Variants in PCDH15 observed in about 807,000 individuals in gnomAD.
PCDH15 encodes protocadherin-15.
Under a neutral mutation model 178.5 loss-of-function variants are expected in PCDH15, and 129 were observed. The observed-to-expected ratio is 0.72, with a 90% CI of 0.63 to 0.84. The LOEUF (loss-of-function observed/expected upper bound fraction) is 0.84, where lower values mean the gene tolerates loss of function less well. Ranked by LOEUF, PCDH15 falls within the 40% of genes least tolerant of loss-of-function variation. The pLI is 0.00. For synonymous variants in PCDH15, 800 were observed against 732.0 expected (o/e 1.09, Z -1.50); for missense variants, 2,230 against 2,099.9 (o/e 1.06, Z -1.21).
chr10:54,634,717 C>T (rs2093800874), intron 2 of PCDH15, among the ~76,000 whole-genome samples: 1 of 152,012 alleles, frequency 6.6e-6, no homozygotes, highest in African/African-American at 2.4e-5. Flanking sequence ...CGCGTATACA[C>T]TATCTTCCAA....
In PCDH15 at chr10:54,199,555, AAAC is replaced by A. The variant is rs200906404; in HGVS notation, c.1099-3669_1099-3667del. On this transcript the variant is annotated intron_variant, in intron 10 of 37. Coordinates refer to ENST00000644397, the MANE Select transcript of PCDH15 (RefSeq NM_001384140.1). ...AAGTAAGAGTTAAAATGTTGAATTT[AAAC>A]AACAACAACAACAATAATAATAATA... is the stretch of plus-strand genomic sequence containing the variant. Among the ~76,000 whole-genome samples the A allele has an allele frequency of 5.2e-4, 72 of 137,946 alleles. 1 individual carries two copies. The highest frequency in any genetic ancestry group is 8.9e-4 in the Admixed American group (12 of 13,532). The allele number at this position is 137,946 out of a possible 152,430, so 90.5% of individuals were successfully genotyped here.
At chr10:54,736,120 C>G (rs554102527) in intron 1 of PCDH15, among the ~76,000 whole-genome samples, 3 of 152,074 alleles carry the variant, frequency 2.0e-5, no homozygotes, top group Admixed American at 6.6e-5. Context: ...TTAGAAGCTG[C>G]AATAATCCTG....
chr10:54,455,310 G>C (rs1387719352), intron 3 of PCDH15, among the ~76,000 whole-genome samples: 2 of 152,152 alleles, frequency 1.3e-5, no homozygotes, highest in African/African-American at 4.8e-5. Context: ...CATTGGAACT[G>C]GGTAACAGGC....
At chr10:54,306,873 C>T (rs898706203) in intron 8 of PCDH15, among the ~76,000 whole-genome samples, 2 of 150,176 alleles carry the variant, frequency 1.3e-5, no homozygotes, top group African/African-American at 2.4e-5. Flanking sequence ...ATAGGTATGG[C>T]TTTTGTTCTC....
At chr10:54,334,682 AACACACACACAC>A (rs3069761) in intron 6 of PCDH15, among the ~76,000 whole-genome samples, 12 of 150,044 alleles carry the variant, frequency 8.0e-5, no homozygotes, top group African/African-American at 2.9e-4. Context: ...ATTTCTAAAG[AACACACACACAC>A]ACACACACAC....
chr10:55,123,270 AAAT>A (rs1477897771), intron 2 of PCDH15, among the ~76,000 whole-genome samples: 1 of 152,056 alleles, frequency 6.6e-6, no homozygotes, highest in African/African-American at 2.4e-5. Flanking sequence ...CAAACTAATA[AAAT>A]AATAATTTAC....
intron 1 of PCDH15, among the ~76,000 whole-genome samples, chr10:54,771,226 T>C (rs972596942): frequency 5.9e-5 from 9 of 152,116 alleles, no homozygotes; most frequent in African/African-American, 1.9e-4. Flanking sequence ...GTTAAATTTC[T>C]ATCTGTTTGT....
chr10:54,372,448 C>A (rs1443562348), intron 4 of PCDH15, among the ~76,000 whole-genome samples: 1 of 151,784 alleles, frequency 6.6e-6, no homozygotes, highest in Admixed American at 6.6e-5. Context: ...TAAATTATAA[C>A]CATAATGGAT....
intron 2 of PCDH15, among the ~76,000 whole-genome samples, chr10:55,452,576 T>C (rs1209743120): frequency 6.6e-6 from 1 of 152,196 alleles, no homozygotes; most frequent in Non-Finnish European, 1.5e-5. Context: ...TGCATTTTTC[T>C]TATCAATATA....
At chr10:55,356,913 T>C (rs1845094529) in intron 2 of PCDH15, among the ~76,000 whole-genome samples, 1 of 151,950 alleles carries the variant, frequency 6.6e-6, no homozygotes, top group Non-Finnish European at 1.5e-5. Context: ...TCCCTTTGTA[T>C]GTAGATTAAA....
At chr10:54,019,100 T>A (rs1158778394) in intron 20 of PCDH15, among the ~76,000 whole-genome samples, 1 of 152,062 alleles carries the variant, frequency 6.6e-6, no homozygotes, top group Non-Finnish European at 1.5e-5. Context: ...GGTATCTCTA[T>A]TCCTTTCTGA....
intron 3 of PCDH15, among the ~76,000 whole-genome samples, chr10:54,516,893 G>C (rs552787353): frequency 1.2e-4 from 19 of 152,222 alleles, no homozygotes; most frequent in South Asian, 6.2e-4. Flanking sequence ...AGAAGAGAGT[G>C]GGGGCCAATA....
chr10:53,830,032 G>A lies in PCDH15; in HGVS notation c.4202+1283C>T, dbSNP rs1019124036. Reference sequence around the variant, plus strand: ...TACATAAGGACTATTGGCTGGGCGCGGTGGCTCACACCTGTAATCCCAGCA... The same window carrying A: ...TACATAAGGACTATTGGCTGGGCGCAGTGGCTCACACCTGTAATCCCAGCA... On this transcript the variant is annotated intron_variant, in intron 30 of 37. Transcript: ENST00000644397. 4.2e-4 allele frequency among the ~76,000 whole-genome samples: 64 copies of A among 152,234 alleles called. 1 individual carries two copies. Among genetic ancestry groups the A allele is most frequent in the African/African-American group, 1.3e-3 (54 of 41,546 alleles).
chr10:54,479,638 C>G (rs185519506), intron 3 of PCDH15, among the ~76,000 whole-genome samples: 6 of 152,066 alleles, frequency 3.9e-5, no homozygotes, highest in Admixed American at 3.9e-4. Flanking sequence ...GGTGAAATTA[C>G]TGGCTCCATT....
intron 3 of PCDH15, among the ~76,000 whole-genome samples, chr10:54,518,039 A>T (rs1265324207): frequency 2.0e-5 from 3 of 152,200 alleles, no homozygotes; most frequent in African/African-American, 7.2e-5. Flanking sequence ...ATATACCAGA[A>T]TCTCTGGGAC....
rs545045525 is a variant in PCDH15 at position 55,046,304 on chromosome 10, C to T, written c.-80+120272G>A. ...CGAAGCTCCTCAGGCATATGAAAAA[C>T]GAAAGAAATCTCACAGATATTTCAC... On this transcript the variant is annotated intron_variant, in intron 2 of 5. Transcript: ENST00000458638. Among the ~76,000 whole-genome samples the T allele has an allele frequency of 4.2e-4, 64 of 151,942 alleles. 1 individual carries two copies. The highest frequency in any genetic ancestry group is 2.1e-3 in the East Asian group (11 of 5,168).
chr10:54,887,129 G>A (rs1321702415), intron 3 of PCDH15, among the ~76,000 whole-genome samples: 2 of 152,160 alleles, frequency 1.3e-5, no homozygotes, highest in Admixed American at 6.5e-5. Flanking sequence ...GAGTTAAGCA[G>A]AAAGTCAATT....
chr10:54,109,554 G>T (rs928624479), intron 15 of PCDH15, among the ~76,000 whole-genome samples: 1 of 152,028 alleles, frequency 6.6e-6, no homozygotes, highest in Admixed American at 6.6e-5. Context: ...CAAATTAAGG[G>T]AAATAAGAAA....
chr10:55,042,864 T>G (rs1009843775), intron 2 of PCDH15, among the ~76,000 whole-genome samples: 2 of 152,180 alleles, frequency 1.3e-5, no homozygotes, highest in African/African-American at 4.8e-5. Context: ...TTTGATCTTT[T>G]AAGACTCCTG....
Sources: allele counts gnomAD v4.1 joint callset (sites outside exome capture counted in the v4.1 genomes callset), GRCh38; gene constraint gnomAD v4.1.1; transcripts MANE v1.5; gene names NCBI Gene and HGNC (gene_info 2026-07-23, HGNC 2026-07-21).